The following FARS2 variants were observed in gnomAD, a reference collection of about 807,000 sequenced individuals.
The protein encoded by FARS2 is phenylalanyl-tRNA synthetase 2, mitochondrial, also known as phenylalanine--tRNA ligase, mitochondrial.
A neutral mutation model predicts 46.4 loss-of-function variants in FARS2; 40 were observed. The ratio of observed to expected loss-of-function variants is 0.86; its 90% CI spans 0.67 to 1.12. The LOEUF (loss-of-function observed/expected upper bound fraction) is 1.12. FARS2 is among the 50% of genes most tolerant of loss of function. The pLI is 0.00. For missense variants in FARS2, 513 were observed against 567.9 expected, an observed-to-expected ratio of 0.90 and a Z score of 0.98; for synonymous variants, 234 against 214.9, an observed-to-expected ratio of 1.09 and a Z score of -0.78.
chr6:5,653,611 C>T (rs528822371), intron 6 of FARS2, among the ~76,000 whole-genome samples: 2 of 152,236 alleles, frequency 1.3e-5, no homozygotes, highest in South Asian at 4.2e-4. Flanking sequence ...CCTGGGGGAT[C>T]GGAGGGGAAG....
At chr6:5,416,933 C>T (rs1168239903) in intron 3 of FARS2, among the ~76,000 whole-genome samples, 3 of 152,150 alleles carry the variant, frequency 2.0e-5, no homozygotes, top group African/African-American at 7.2e-5. Context: ...CTTATGTATA[C>T]TATCAACTCC....
At chr6:5,445,429 G>A (rs1764128834) in intron 4 of FARS2, among the ~76,000 whole-genome samples, 1 of 151,836 alleles carries the variant, frequency 6.6e-6, no homozygotes, top group African/African-American at 2.4e-5. Flanking sequence ...TTTTTTCAAG[G>A]TTCATTCCTG....
intron 1 of FARS2, among the ~76,000 whole-genome samples, chr6:5,330,186 C>T (rs1450716359): frequency 6.6e-6 from 1 of 152,062 alleles, no homozygotes; most frequent in East Asian, 1.9e-4. Context: ...ATCAAGATAC[C>T]ACAGAAATTT....
intron 6 of FARS2, among the ~76,000 whole-genome samples, chr6:5,758,667 T>G (rs548040332): frequency 6.6e-6 from 1 of 152,338 alleles, no homozygotes; most frequent in Non-Finnish European, 1.5e-5. Flanking sequence ...TTCCCCTAAA[T>G]GAGTTCCCAT....
chr6:5,534,363 A>T (rs1000403691), intron 4 of FARS2, among the ~76,000 whole-genome samples: 1 of 152,226 alleles, frequency 6.6e-6, no homozygotes, highest in Non-Finnish European at 1.5e-5. Flanking sequence ...TTGTGCAACC[A>T]TCACCACTAT....
At chr6:5,293,689 TG>T (rs987952376) in intron 1 of FARS2, among the ~76,000 whole-genome samples, 5 of 152,240 alleles carry the variant, frequency 3.3e-5, no homozygotes, top group Admixed American at 6.5e-5. Context: ...CGATTTTTTT[TG>T]TTGTCGTTGT....
chr6:5,276,689 A>G (rs1766358564), intron 1 of FARS2, among the ~76,000 whole-genome samples: 1 of 152,160 alleles, frequency 6.6e-6, no homozygotes, highest in Admixed American at 6.5e-5. Context: ...TGGGTCCCCA[A>G]ACTGATGTGG....
chr6:5,539,384 G>GTGTATATATCTATATATATATATATA, intron 4 of FARS2, among the ~76,000 whole-genome samples: 4 of 79,582 alleles, frequency 5.0e-5, no homozygotes, highest in Non-Finnish European at 5.5e-5. Flanking sequence ...TTTTTTTTGT[G>GTGTATATATCTATATATATATATATA]TATATATATA....
intron 4 of FARS2, among the ~76,000 whole-genome samples, chr6:5,514,368 A>G (rs998468810): frequency 6.6e-6 from 1 of 152,212 alleles, no homozygotes; most frequent in Non-Finnish European, 1.5e-5. Context: ...CTTGTCTTGC[A>G]TAGTCATTCT....
upstream of FARS2, chr6:5,260,568 G>T: frequency 6.6e-7 from 1 of 1,511,422 alleles, no homozygotes; most frequent in Non-Finnish European, 8.9e-7. Flanking sequence ...CCAGTCCCCG[G>T]GGATATTCCG....
At chr6:5,569,483 C>T (rs1314170584) in intron 5 of FARS2, among the ~76,000 whole-genome samples, 3 of 152,114 alleles carry the variant, frequency 2.0e-5, no homozygotes, top group Non-Finnish European at 4.4e-5. Context: ...CCTCGGCTTC[C>T]CAGAGTGCTG....
intron 4 of FARS2, among the ~76,000 whole-genome samples, chr6:5,490,917 A>G (rs1043145673): frequency 5.3e-5 from 8 of 152,220 alleles, no homozygotes; most frequent in African/African-American, 1.9e-4. Context: ...TGCAACCTCA[A>G]GAGAGACCTG....
intron 6 of FARS2, among the ~76,000 whole-genome samples, chr6:5,664,178 A>G (rs1397519266): frequency 3.3e-5 from 5 of 152,226 alleles, no homozygotes; most frequent in Admixed American, 2.0e-4. Context: ...AGTTCATTCT[A>G]TGCTCCCTGA....
At chr6:5,746,044 CCTT>C (rs1193075453) in intron 6 of FARS2, among the ~76,000 whole-genome samples, 5 of 152,104 alleles carry the variant, frequency 3.3e-5, no homozygotes, top group Admixed American at 3.3e-4. Flanking sequence ...ATATTTTAGC[CCTT>C]CTTTAGAGTC....
At chr6:5,769,361 G>C (rs1359524925) in intron 6 of FARS2, among the ~76,000 whole-genome samples, 3 of 152,246 alleles carry the variant, frequency 2.0e-5, no homozygotes, top group Non-Finnish European at 2.9e-5. Context: ...AGTTTCATAA[G>C]CTCCCACTCC....
At chr6:5,392,723 A>AAT (rs1384289787) in intron 2 of FARS2, among the ~76,000 whole-genome samples, 8 of 132,546 alleles carry the variant, frequency 6.0e-5, no homozygotes, top group South Asian at 2.7e-4. Context: ...CTTGCTCTAA[A>AAT]ATATATATAT....
chr6:5,355,540 G>A (rs576119322), intron 1 of FARS2, among the ~76,000 whole-genome samples: 9 of 151,796 alleles, frequency 5.9e-5, no homozygotes, highest in East Asian at 5.8e-4. Flanking sequence ...TGTAATTTTA[G>A]TAGAGATGGG....
intron 2 of FARS2, among the ~76,000 whole-genome samples, chr6:5,392,763 C>T (rs1367994070): frequency 8.0e-5 from 7 of 87,972 alleles, no homozygotes; most frequent in Non-Finnish European, 1.6e-4. Context: ...CACACACACA[C>T]ACACACATGT....
intron 6 of FARS2, among the ~76,000 whole-genome samples, chr6:5,704,611 A>G (rs2150890070): frequency 6.6e-6 from 1 of 152,322 alleles, no homozygotes; most frequent in South Asian, 2.1e-4. Flanking sequence ...GGATCAGTTC[A>G]AAGTGGTTCA....
Sources: allele counts gnomAD v4.1 joint callset (sites outside exome capture counted in the v4.1 genomes callset), GRCh38; gene constraint gnomAD v4.1.1; transcripts MANE v1.5; gene names NCBI Gene and HGNC (gene_info 2026-07-23, HGNC 2026-07-21).